The following TNR variants were observed in gnomAD, a reference collection of about 807,000 sequenced individuals.
The protein encoded by TNR is tenascin-R.
TNR carries 45 observed loss-of-function variants against 150.4 expected under a neutral mutation model. That is an observed-to-expected ratio of 0.30 (90% CI 0.24 to 0.38). The LOEUF is 0.38. TNR is among the 10% of genes least tolerant of loss of function. The pLI, the probability that TNR is intolerant of heterozygous loss-of-function variation, is 1.00. For synonymous variants in TNR, 687 were observed against 678.4 expected, an observed-to-expected ratio of 1.01 and a Z score of -0.20; for missense variants, 1,544 against 1,759.1, an observed-to-expected ratio of 0.88 and a Z score of 2.19.
At chr1:175,548,421 C>T (rs891971673) in intron 1 of TNR, among the ~76,000 whole-genome samples, 3 of 152,098 alleles carry the variant, frequency 2.0e-5, no homozygotes, top group Non-Finnish European at 2.9e-5. Context: ...AAATATTGCA[C>T]ACATTTCATT....
chr1:175,330,878 C>T (rs1649714414), intron 20 of TNR, among the ~76,000 whole-genome samples: 1 of 152,208 alleles, frequency 6.6e-6, no homozygotes, highest in Non-Finnish European at 1.5e-5. Flanking sequence ...AGCCAGTTAC[C>T]CTCATTCATC....
intron 1 of TNR, among the ~76,000 whole-genome samples, chr1:175,569,518 G>C (rs760332245): frequency 1.1e-4 from 16 of 152,186 alleles, no homozygotes; most frequent in Admixed American, 5.2e-4. Context: ...AGAGACAAAT[G>C]AAACAAAGAA....
chr1:175,337,724 C>A (rs1246976077), intron 18 of TNR, 45 bp from the exon 19 acceptor site: 17 of 1,603,072 alleles, frequency 1.1e-5, no homozygotes, highest in Middle Eastern at 1.7e-4. Context: ...CTTTCTCTCA[C>A]AGTGCACAAG....
At chr1:175,442,996 A>G (rs1191420835) in intron 2 of TNR, among the ~76,000 whole-genome samples, 1 of 152,224 alleles carries the variant, frequency 6.6e-6, no homozygotes, top group African/African-American at 2.4e-5. Context: ...TAAAGATAGT[A>G]ACATATTCAC....
intron 2 of TNR, among the ~76,000 whole-genome samples, chr1:175,486,729 C>T (rs59607997): frequency 0.013 from 2,024 of 152,316 alleles, 47 homozygotes; most frequent in African/African-American, 0.047. Context: ...AACTAATTTA[C>T]ACTCCCACCA....
At chr1:175,620,677 C>T (rs749837173) in intron 1 of TNR, among the ~76,000 whole-genome samples, 11 of 152,256 alleles carry the variant, frequency 7.2e-5, no homozygotes, top group South Asian at 2.1e-4. Context: ...ACCTAGGATG[C>T]GCTCCTGAAT....
intron 1 of TNR, among the ~76,000 whole-genome samples, chr1:175,642,351 C>T (rs1295709730): frequency 6.6e-6 from 1 of 152,144 alleles, no homozygotes; most frequent in East Asian, 1.9e-4. Flanking sequence ...CTGTAGGAAA[C>T]TTGGCATGTT....
intron 1 of TNR, among the ~76,000 whole-genome samples, chr1:175,635,001 C>A (rs1664452053): frequency 6.6e-6 from 1 of 152,226 alleles, no homozygotes; most frequent in Non-Finnish European, 1.5e-5. Flanking sequence ...CCTAGCCCCT[C>A]CTCTGCTCCT....
intron 1 of TNR, among the ~76,000 whole-genome samples, chr1:175,697,100 C>T (rs1034374463): frequency 1.3e-5 from 2 of 151,440 alleles, no homozygotes; most frequent in African/African-American, 2.4e-5. Context: ...AGGCAGTTTG[C>T]GTGTATATGT....
At chr1:175,628,518 A>T (rs1243486089) in intron 1 of TNR, among the ~76,000 whole-genome samples, 2 of 139,400 alleles carry the variant, frequency 1.4e-5, no homozygotes, top group Non-Finnish European at 3.1e-5. Flanking sequence ...GTATAATAAT[A>T]ATAAAATTAA....
intron 1 of TNR, among the ~76,000 whole-genome samples, chr1:175,621,286 C>A (rs1384160478): frequency 6.6e-6 from 1 of 152,142 alleles, no homozygotes; most frequent in African/African-American, 2.4e-5. Flanking sequence ...TCTTCCTGAT[C>A]AAAATCTTCT....
chr1:175,403,968 G>T (rs1297441434), intron 3 of TNR, among the ~76,000 whole-genome samples: 1 of 152,160 alleles, frequency 6.6e-6, no homozygotes, highest in East Asian at 1.9e-4. Flanking sequence ...TGGTAGGGAA[G>T]AGTGGAAAGT....
intron 1 of TNR, among the ~76,000 whole-genome samples, chr1:175,612,436 T>C (rs1571675257): frequency 2.0e-5 from 3 of 152,322 alleles, no homozygotes; most frequent in South Asian, 4.2e-4. Flanking sequence ...AAATTCAGGT[T>C]GTGGGCAATG....
chr1:175,719,474 G>A (rs1206131570), intron 1 of TNR, among the ~76,000 whole-genome samples: 1 of 152,236 alleles, frequency 6.6e-6, no homozygotes, highest in Non-Finnish European at 1.5e-5. Flanking sequence ...CTGTGAGGAT[G>A]TAGGCAGGTA....
chr1:175,576,656 A>G (rs1402723227), intron 1 of TNR, among the ~76,000 whole-genome samples: 1 of 152,204 alleles, frequency 6.6e-6, no homozygotes, highest in Non-Finnish European at 1.5e-5. Flanking sequence ...GCTTGTAAAT[A>G]CTTCATAAAC....
At chr1:175,503,289 G>A (rs1658816659) in intron 2 of TNR, among the ~76,000 whole-genome samples, 1 of 152,216 alleles carries the variant, frequency 6.6e-6, no homozygotes, top group South Asian at 2.1e-4. Flanking sequence ...TTATGCCTCG[G>A]TGCTCAGAGT....
chr1:175,618,651 A>G (rs1218706576), intron 1 of TNR, among the ~76,000 whole-genome samples: 1 of 152,210 alleles, frequency 6.6e-6, no homozygotes, highest in African/African-American at 2.4e-5. Flanking sequence ...CAGGAGAACC[A>G]TACAGAAAGC....
chr1:175,604,892 G>C (rs1035895792), intron 1 of TNR, among the ~76,000 whole-genome samples: 2 of 152,164 alleles, frequency 1.3e-5, no homozygotes, highest in Admixed American at 6.5e-5. Flanking sequence ...AGAATGTCCA[G>C]AGAAACACAA....
At chr1:175,323,634 G>T (rs1000586183) in intron 22 of TNR, among the ~76,000 whole-genome samples, 158 bp from the exon 23 acceptor site, 16 of 152,190 alleles carry the variant, frequency 1.1e-4, no homozygotes, top group African/African-American at 3.6e-4. Context: ...AAAGTGAAAG[G>T]GGCAGAGTCT....
Sources: gnomAD v4.1 joint callset for allele counts (sites outside exome capture counted in the v4.1 genomes callset) on GRCh38, gnomAD v4.1.1 for gene constraint, MANE v1.5 for transcripts, NCBI Gene and HGNC (gene_info 2026-07-23, HGNC 2026-07-21) for gene names.